ECRG4: variants seen among roughly 807,000 people sequenced by gnomAD.
ECRG4 encodes the protein augurin.
Under a neutral mutation model 15.8 loss-of-function variants are expected in ECRG4, and 18 were observed. The observed-to-expected ratio is 1.14, with a 90% CI of 0.79 to 1.69. The LOEUF is 1.69. Among genes scored for constraint, ECRG4 ranks in the 40% most tolerant of loss-of-function variants. The probability of loss-of-function intolerance (pLI) is 0.00; values close to 1 mark genes in which losing one functional copy is unlikely to be tolerated. For synonymous variants in ECRG4, 82 were observed against 73.9 expected, an observed-to-expected ratio of 1.11 and a Z score of -0.56; for missense variants, 200 against 190.9, an observed-to-expected ratio of 1.05 and a Z score of -0.28.
chr2:106,065,918 G>A lies in ECRG4; in HGVS notation c.79+75G>A, dbSNP rs138348946. The A allele has an allele frequency of 1.8e-3, 2,410 of 1,303,428 alleles. 4 individuals are homozygous for A. Among genetic ancestry groups the A allele is most frequent in the Non-Finnish European group, 2.2e-3 (2,185 of 985,280 alleles). The allele number at this position is 1,303,428 out of a possible 1,614,324, so 80.7% of individuals were successfully genotyped here. On this transcript the variant is annotated intron_variant, in intron 1 of 3. Coordinates refer to ENST00000238044, the MANE Select transcript of ECRG4 (RefSeq NM_032411.3). ...CCATGTGGCGCTTCCATGGTGCCCG[G>A]GGAGAGCGATCGGTGATGGGGTGGC...
intron 3 of ECRG4, chr2:106,074,307 C>T (rs1353318091): frequency 1.6e-5 from 6 of 380,570 alleles, no homozygotes; most frequent in South Asian, 6.0e-5. Flanking sequence ...CTAGATTCAT[C>T]GAGAATCTGA....
intron 2 of ECRG4, among the ~76,000 whole-genome samples, chr2:106,072,917 C>T (rs188756386): frequency 6.1e-4 from 93 of 152,338 alleles, no homozygotes; most frequent in Admixed American, 1.6e-3. Context: ...TGGTGTGCAT[C>T]CCGCAGCCTT....
chr2:106,077,862 C>T lies in ECRG4; in HGVS notation c.383C>T (p.Ala128Val), dbSNP rs1164707849. 6.2e-7 allele frequency: 1 copy of T among 1,614,128 alleles called. No homozygotes were observed. Among genetic ancestry groups the T allele is most frequent in the Non-Finnish European group, 8.5e-7 (1 of 1,180,026 alleles). The change falls in exon 4 of 4, where the codon GCA (alanine) becomes GTA (valine). Residue 128 changes from alanine to valine, a missense_variant. Transcript: ENST00000238044. ...YYQRHYDEDS[A>V]IGPRSPYGFR... is the part of the protein sequence containing the mutation. ...CAACGTCACTATGATGAAGACTCTG[C>T]AATTGGTCCCCGGAGCCCCTACGGC...
At chr2:106,072,451 G>C (rs1676390955) in intron 2 of ECRG4, 1 of 152,282 alleles carries the variant, frequency 6.6e-6, no homozygotes, top group Non-Finnish European at 1.5e-5. Flanking sequence ...TGGATCAATT[G>C]TGGGGTCTCG....
upstream of ECRG4, chr2:106,063,526 G>C (rs1044287147): frequency 2.0e-5 from 3 of 152,196 alleles, no homozygotes; most frequent in Non-Finnish European, 4.4e-5. Context: ...CCCTCTGAAG[G>C]CAGAGTGAGA....
chr2:106,071,951 A>G, intron 2 of ECRG4, 60 bp downstream of exon 2: 2 of 1,419,128 alleles, frequency 1.4e-6, no homozygotes, highest in Non-Finnish European at 2.0e-6. Flanking sequence ...TGAAATGGCA[A>G]TATGGATTGT....
At position 106,065,917 on chromosome 2, in the gene ECRG4, G is replaced by A. The variant is rs147064787; in HGVS notation, c.79+74G>A. ...CCCATGTGGCGCTTCCATGGTGCCC[G>A]GGGAGAGCGATCGGTGATGGGGTGG... On this transcript the variant is annotated intron_variant, in intron 1 of 3. Coordinates refer to ENST00000238044, the MANE Select transcript of ECRG4 (RefSeq NM_032411.3). 4 of 1,299,202 alleles carry A rather than the reference G, an allele frequency of 3.1e-6. No individual in the cohort carries two copies. The African/African-American group carries it at 4.7e-5, about 15-fold the overall frequency. 80.5% of individuals were successfully genotyped at this position (1,299,202 alleles called of 1,614,324 possible).
At chr2:106,069,129 C>T (rs74180262) in intron 1 of ECRG4, among the ~76,000 whole-genome samples, 11 of 144,194 alleles carry the variant, frequency 7.6e-5, no homozygotes, top group Non-Finnish European at 1.2e-4. Context: ...TTCTTCCTTT[C>T]TCTTTCTTTC....
chr2:106,069,129 CTCTT>C (rs754803827), intron 1 of ECRG4, among the ~76,000 whole-genome samples: 15,045 of 143,806 alleles, frequency 0.1, 1,040 homozygotes, highest in East Asian at 0.21. Context: ...TTCTTCCTTT[CTCTT>C]TCTTTCTTTC....
At chr2:106,076,930 T>G (rs1484804242) in intron 3 of ECRG4, among the ~76,000 whole-genome samples, 2 of 152,222 alleles carry the variant, frequency 1.3e-5, no homozygotes, top group Non-Finnish European at 2.9e-5. Flanking sequence ...AAATTAATCT[T>G]GCACCTTCAC....
intron 2 of ECRG4, 156 bp from the exon 3 acceptor site, chr2:106,073,730 G>A: frequency 2.4e-6 from 2 of 829,200 alleles, no homozygotes; most frequent in South Asian, 3.1e-5. Flanking sequence ...AATCTACGAG[G>A]CTGTGTCACA....
chr2:106,074,440 G>A (rs532083806), intron 3 of ECRG4, among the ~76,000 whole-genome samples: 70 of 152,284 alleles, frequency 4.6e-4, no homozygotes, highest in Non-Finnish European at 8.4e-4. Flanking sequence ...CAGGGATGCC[G>A]GGATCTATGA....
intron 1 of ECRG4, among the ~76,000 whole-genome samples, chr2:106,066,865 A>T (rs907564882): frequency 1.3e-5 from 2 of 152,158 alleles, no homozygotes; most frequent in African/African-American, 2.4e-5. Context: ...GGGTTGCTAA[A>T]ACAGCAGGAG....
chr2:106,066,453 A>G (rs1482458716), intron 1 of ECRG4, among the ~76,000 whole-genome samples: 1 of 152,230 alleles, frequency 6.6e-6, no homozygotes, highest in Admixed American at 6.5e-5. Context: ...ACGCACACCC[A>G]GAATGATGGG....
chr2:106,065,542 C>A, upstream of ECRG4: 1 of 376,124 alleles, frequency 2.7e-6, no homozygotes, highest in Middle Eastern at 7.1e-4. Context: ...CCCTTGGGGC[C>A]GGGGCGGGAG....
At position 106,078,009 on chromosome 2, in the gene ECRG4, G is replaced by C; in HGVS notation, c.*83G>C. The C allele has an allele frequency of 7.5e-7, 1 of 1,339,176 alleles. No individual in the cohort carries two copies. The highest frequency in any genetic ancestry group is 1.0e-6 in the Non-Finnish European group (1 of 997,224). 83.0% of individuals were successfully genotyped at this position (1,339,176 alleles called of 1,614,324 possible). A position where few individuals can be genotyped will look rare whatever the true frequency, so the allele number is the denominator to read the frequency against. ...TAATGCCTTACACTACTTGGTTTCT[G>C]ATTTGCTCTATTTCAGCAGATCTTT... On this transcript the variant is annotated 3_prime_UTR_variant, in exon 4 of 4. Transcript: ENST00000238044.
intron 3 of ECRG4, among the ~76,000 whole-genome samples, chr2:106,076,386 CA>C (rs947995442): frequency 6.6e-6 from 1 of 151,678 alleles, no homozygotes; most frequent in Non-Finnish European, 1.5e-5. Context: ...TCACCATGGC[CA>C]AAAATGTTGT....
chr2:106,075,006 G>A (rs181724260), intron 3 of ECRG4, among the ~76,000 whole-genome samples: 1 of 151,898 alleles, frequency 6.6e-6, no homozygotes, highest in East Asian at 1.9e-4. Context: ...TTCCCTAAGT[G>A]TCTTTTTGCT....
At chr2:106,075,815 T>C (rs1676476646) in intron 3 of ECRG4, among the ~76,000 whole-genome samples, 1 of 152,142 alleles carries the variant, frequency 6.6e-6, no homozygotes, top group Admixed American at 6.5e-5. Flanking sequence ...CAAATAAGAT[T>C]ACAGTAACTT....
Sources: gnomAD v4.1 joint callset for allele counts (sites outside exome capture counted in the v4.1 genomes callset) on GRCh38, gnomAD v4.1.1 for gene constraint, MANE v1.5 for transcripts, NCBI Gene and HGNC (gene_info 2026-07-23, HGNC 2026-07-21) for gene names.